NCOA1: variants seen among roughly 807,000 people sequenced by gnomAD.
NCOA1 encodes Hin-2 protein.
NCOA1 carries 35 observed loss-of-function variants against 150.9 expected under a neutral mutation model. The observed-to-expected ratio is 0.23, with a 90% CI of 0.18 to 0.31. The LOEUF (loss-of-function observed/expected upper bound fraction) is 0.31. Among genes scored for constraint, NCOA1 ranks in the 10% least tolerant of loss-of-function variants. NCOA1 has a pLI of 1.00. For synonymous variants in NCOA1, 590 were observed against 630.0 expected (o/e 0.94, Z 0.95); for missense variants, 1,491 against 1,749.3 (o/e 0.85, Z 2.63).
At chr2:24,545,816 G>T (rs769755231) in intron 1 of NCOA1, among the ~76,000 whole-genome samples, 5 of 151,862 alleles carry the variant, frequency 3.3e-5, no homozygotes, top group Non-Finnish European at 2.9e-5. Context: ...TTTTTGAGTC[G>T]GAGTCTCGCT....
At chr2:24,702,400 C>T (rs552889213) in intron 11 of NCOA1, among the ~76,000 whole-genome samples, 1 of 152,230 alleles carries the variant, frequency 6.6e-6, no homozygotes, top group South Asian at 2.1e-4. Flanking sequence ...GGCATTGACC[C>T]ATAGTACCCT....
intron 21 of NCOA1, among the ~76,000 whole-genome samples, chr2:24,761,453 G>A (rs1314384885): frequency 1.3e-4 from 20 of 151,916 alleles, no homozygotes; most frequent in Non-Finnish European, 1.5e-5. Flanking sequence ...GTCATATTTG[G>A]ATCCTTTTTA....
chr2:24,716,881 A>T (rs1674073507), intron 14 of NCOA1, among the ~76,000 whole-genome samples: 1 of 152,200 alleles, frequency 6.6e-6, no homozygotes, highest in African/African-American at 2.4e-5. Flanking sequence ...AGCAAAGAAA[A>T]TATTTCCTAA....
At chr2:24,764,745 C>G (rs967828407) in intron 22 of NCOA1, among the ~76,000 whole-genome samples, 1 of 152,148 alleles carries the variant, frequency 6.6e-6, no homozygotes, top group African/African-American at 2.4e-5. Flanking sequence ...AAGAGTCATC[C>G]CTGAAAGGGA....
chr2:24,688,156 G>C (rs1672494464), intron 8 of NCOA1, among the ~76,000 whole-genome samples: 1 of 152,114 alleles, frequency 6.6e-6, no homozygotes, highest in Admixed American at 6.5e-5. Flanking sequence ...AGTCTGCCTT[G>C]ATGGTCATTG....
intron 3 of NCOA1, among the ~76,000 whole-genome samples, chr2:24,602,019 C>A (rs1164148342): frequency 2.0e-5 from 3 of 152,076 alleles, no homozygotes; most frequent in Admixed American, 2.0e-4. Flanking sequence ...ATTATTATGC[C>A]TTCACCGTTT....
At chr2:24,703,758 A>G (rs1229831219) in intron 11 of NCOA1, among the ~76,000 whole-genome samples, 2 of 152,172 alleles carry the variant, frequency 1.3e-5, no homozygotes, top group Non-Finnish European at 2.9e-5. Flanking sequence ...TGTCTTGTTT[A>G]AGTAACATGT....
intron 1 of NCOA1, among the ~76,000 whole-genome samples, chr2:24,501,688 C>T (rs764769449): frequency 1.3e-5 from 2 of 152,000 alleles, no homozygotes; most frequent in African/African-American, 2.4e-5. Flanking sequence ...AAGTTCCTAA[C>T]CTGGGGTTCA....
In NCOA1 at chr2:24,647,264, T is replaced by C. The variant is rs76626673; in HGVS notation, c.-18+3142T>C. 5.1e-3 allele frequency among the ~76,000 whole-genome samples: 770 copies of C among 152,296 alleles called. 6 individuals are homozygous for C. The highest frequency in any genetic ancestry group is 0.018 in the African/African-American group (741 of 41,570). On this transcript the variant is annotated intron_variant, in intron 4 of 22. Coordinates refer to ENST00000348332, the MANE Select transcript of NCOA1 (RefSeq NM_003743.5). ...TTTCTATTTATTAGTTATGTGACTG[T>C]AGGTTAGTGATATAACTTAAAGCGT...
At chr2:24,710,830 C>T in intron 13 of NCOA1, 101 bp from the exon 14 acceptor site, 2 of 1,113,734 alleles carry the variant, frequency 1.8e-6, no homozygotes, top group South Asian at 2.8e-5. Context: ...ATCTCAAAGT[C>T]ACACTGAATT....
intron 1 of NCOA1, among the ~76,000 whole-genome samples, chr2:24,495,488 G>A (rs184468038): frequency 6.6e-6 from 1 of 152,290 alleles, no homozygotes; most frequent in East Asian, 1.9e-4. Context: ...CTCCCCGAGA[G>A]TATGTTTTAG....
At chr2:24,750,172 A>C (rs1160200276) in intron 19 of NCOA1, among the ~76,000 whole-genome samples, 1 of 152,240 alleles carries the variant, frequency 6.6e-6, no homozygotes, top group Non-Finnish European at 1.5e-5. Flanking sequence ...ACTGAAAAAA[A>C]CCTGGTAATT....
intron 3 of NCOA1, among the ~76,000 whole-genome samples, chr2:24,623,911 G>T (rs967516329): frequency 6.6e-6 from 1 of 152,090 alleles, no homozygotes; most frequent in Non-Finnish European, 1.5e-5. Context: ...TCACACTGGG[G>T]GTTAGAACTT....
chr2:24,512,672 C>A (rs540155247), intron 1 of NCOA1, among the ~76,000 whole-genome samples: 1 of 152,220 alleles, frequency 6.6e-6, no homozygotes, highest in South Asian at 2.1e-4. Flanking sequence ...TTTCATATAA[C>A]CCAGAATTAA....
intron 4 of NCOA1, among the ~76,000 whole-genome samples, chr2:24,657,629 T>G (rs2148489955): frequency 6.6e-6 from 1 of 152,270 alleles, no homozygotes; most frequent in Non-Finnish European, 1.5e-5. Context: ...GCAGAGTCAG[T>G]TTTAAGACTA....
At chr2:24,504,316 T>C (rs911091812) in intron 1 of NCOA1, among the ~76,000 whole-genome samples, 1 of 152,242 alleles carries the variant, frequency 6.6e-6, no homozygotes, top group Non-Finnish European at 1.5e-5. Flanking sequence ...ATCTAGAACA[T>C]GAAGCCTCCT....
intron 4 of NCOA1, among the ~76,000 whole-genome samples, chr2:24,646,890 C>T (rs1284646133): frequency 1.3e-5 from 2 of 151,788 alleles, no homozygotes; most frequent in African/African-American, 4.8e-5. Flanking sequence ...GATTTATAAA[C>T]TTTGGAACAA....
chr2:24,745,932 A>T (rs1357883121), intron 19 of NCOA1, among the ~76,000 whole-genome samples: 1 of 152,036 alleles, frequency 6.6e-6, no homozygotes, highest in African/African-American at 2.4e-5. Flanking sequence ...TCTCATTCCT[A>T]TTCTTCCCTC....
At chr2:24,572,924 CAT>C (rs1412068844) in intron 2 of NCOA1, among the ~76,000 whole-genome samples, 4 of 152,054 alleles carry the variant, frequency 2.6e-5, no homozygotes, top group Non-Finnish European at 4.4e-5. Context: ...AGAGATAAAA[CAT>C]ATTTTTTTGA....
Sources: allele counts gnomAD v4.1 joint callset (sites outside exome capture counted in the v4.1 genomes callset), GRCh38; gene constraint gnomAD v4.1.1; transcripts MANE v1.5; gene names NCBI Gene and HGNC (gene_info 2026-07-23, HGNC 2026-07-21).